The following NOD1 variants were observed in gnomAD, a reference collection of about 807,000 sequenced individuals.
NOD1 encodes nucleotide binding oligomerization domain containing 1.
A neutral mutation model predicts 81.2 loss-of-function variants in NOD1; 70 were observed. The observed-to-expected ratio is 0.86, with a 90% CI of 0.71 to 1.05. The LOEUF is 1.05. NOD1 is among the 50% of genes least tolerant of loss of function. NOD1 has a pLI of 0.00. For missense variants in NOD1, 1,233 were observed against 1,228.0 expected, an observed-to-expected ratio of 1.00 and a Z score of -0.06; for synonymous variants, 508 against 526.9, an observed-to-expected ratio of 0.96 and a Z score of 0.49.
intron 1 of NOD1, among the ~76,000 whole-genome samples, chr7:30,470,266 T>C (rs1054869775): frequency 6.6e-6 from 1 of 152,214 alleles, no homozygotes; most frequent in African/African-American, 2.4e-5. Context: ...ACATACGGTA[T>C]TTAGAACAGC....
chr7:30,453,918 C>T (rs1014589041), intron 5 of NOD1, among the ~76,000 whole-genome samples: 7 of 152,260 alleles, frequency 4.6e-5, no homozygotes, highest in South Asian at 2.1e-4. Context: ...TTGTGTGAGA[C>T]TGCTTGTAGA....
chr7:30,425,587 T>A lies in NOD1; in HGVS notation c.*51A>T, dbSNP rs1408389660. 1 of 1,375,886 alleles carries A rather than the reference T, an allele frequency of 7.3e-7. No homozygotes were observed. Among genetic ancestry groups the A allele is most frequent in the East Asian group, 2.3e-5 (1 of 43,778 alleles). The allele number at this position is 1,375,886 out of a possible 1,614,324, so 85.2% of individuals were successfully genotyped here. On this transcript the variant is annotated 3_prime_UTR_variant, in exon 14 of 14. Transcript: ENST00000222823. ...ACACAAAAGACTGCCCAGAGTGGCA[T>A]TTGCTGCTGAGGCTCCAGGGCAAAA...
chr7:30,463,137 A>G (rs956710071), intron 1 of NOD1, among the ~76,000 whole-genome samples: 2 of 152,096 alleles, frequency 1.3e-5, no homozygotes, highest in South Asian at 2.1e-4. Flanking sequence ...TCTCCCTTGT[A>G]TACAGTCACA....
In NOD1 at chr7:30,452,163, C is replaced by T. The variant is rs756738590; in HGVS notation, c.1254G>A (p.Thr418=). ...GGAGGAAGACATCTGTCAGGGTCAT[C>T]GTGCAGTCGGGCAGCTGTGGTGAGC... ...FEGSPQLPDC[T]MTLTDVFLLV... is the part of the protein sequence containing the mutation. The change falls in exon 6 of 14, where the codon ACG becomes ACA. Residue 418 remains threonine, a synonymous_variant. Coordinates refer to ENST00000222823, the MANE Select transcript of NOD1 (RefSeq NM_006092.4). 50 of 1,613,880 alleles carry T rather than the reference C, an allele frequency of 3.1e-5. No individual in the cohort carries two copies. The South Asian group carries it at 4.8e-4, about 16-fold the overall frequency.
Position 30,452,934 on chromosome 7 carries a change from G to A in NOD1, c.483C>T (p.Asp161=), listed in dbSNP as rs2235099. ...TGAAGCCAACCAGCTCCATGATGGTGTCCATGTAGATCTCCTCCAGCAGCA... is the reference window on the plus strand; with the variant it reads ...TGAAGCCAACCAGCTCCATGATGGTATCCATGTAGATCTCCTCCAGCAGCA... The part of the protein sequence containing the change: ...EELLLEEIYM[D]TIMELVGFSN... Residue 161 remains aspartate, a synonymous_variant, in exon 6 of 14, where the codon GAC becomes GAT. Transcript: ENST00000222823. 419,504 of 1,613,624 alleles carry A rather than the reference G, an allele frequency of 0.26. 57,135 individuals carry two copies. The highest frequency in any genetic ancestry group is 0.41 in the East Asian group (18,237 of 44,840).
Position 30,437,669 on chromosome 7 carries a change from A to G in NOD1, c.2454-13T>C. On this transcript the variant is annotated splice_polypyrimidine_tract_variant and intron_variant, in intron 9 of 13. Transcript: ENST00000222823. Reference sequence around the variant, plus strand: ...ATTGCCCCACATCCTGAGGGAGGAGACAAGATAGTGAATGTTAGCTCCCCA... The same window carrying G: ...ATTGCCCCACATCCTGAGGGAGGAGGCAAGATAGTGAATGTTAGCTCCCCA... The G allele has an allele frequency of 6.6e-7, 1 of 1,504,408 alleles. No individual in the cohort carries two copies. Among genetic ancestry groups the G allele is most frequent in the South Asian group, 1.4e-5 (1 of 73,820 alleles). The allele number at this position is 1,504,408 out of a possible 1,614,324, so 93.2% of individuals were successfully genotyped here.
chr7:30,456,816 T>G lies in NOD1; in HGVS notation c.106A>C (p.Asn36His), dbSNP rs763163985. The G allele has an allele frequency of 1.9e-6, 3 of 1,614,134 alleles. No individual in the cohort carries two copies. The highest frequency in any genetic ancestry group is 2.5e-6 in the Non-Finnish European group (3 of 1,180,008). ...AAGTTGTCCACCAGACACTGAGTAT[T>G]GCGGATGTGAGTGACCAGAAGTTCC... is the stretch of plus-strand genomic sequence containing the variant. ...NRELLVTHIR[N>H]TQCLVDNLLK... Residue 36 changes from asparagine to histidine, a missense_variant, in exon 4 of 14, where the codon AAT becomes CAT. Physicochemically the swap from Asn to His is moderately conservative, Grantham distance 68 (BLOSUM62 1). Coordinates refer to ENST00000222823, the MANE Select transcript of NOD1 (RefSeq NM_006092.4).
intron 10 of NOD1, among the ~76,000 whole-genome samples, chr7:30,437,100 C>T (rs1784441682): frequency 6.6e-6 from 1 of 152,126 alleles, no homozygotes; most frequent in African/African-American, 2.4e-5. Flanking sequence ...TGGAAACCAT[C>T]ATTCTCAGCA....
At position 30,451,879 on chromosome 7, in the gene NOD1, T is replaced by C. The variant is rs761405737; in HGVS notation, c.1538A>G (p.Tyr513Cys). 9.3e-6 allele frequency: 15 copies of C among 1,613,474 alleles called. No individual in the cohort carries two copies. The highest frequency in any genetic ancestry group is 4.4e-5 in the South Asian group (4 of 91,070). Residue 513 changes from tyrosine to cysteine, a missense_variant, in exon 6 of 14, where the codon TAT becomes TGT. Coordinates refer to ENST00000222823, the MANE Select transcript of NOD1 (RefSeq NM_006092.4). This position sits in a 1 kb window ranked among gnomAD's most constrained non-coding sequence, Gnocchi z 4.2. ...CTGGAGGGTGAGGTGGAAAAACTCA[T>C]AGGACTGCTGGTCACCCCCGGGGCC... ...ELGPGGDQQSYEFFHLTLQAF... is the reference protein window; with the variant it reads ...ELGPGGDQQSCEFFHLTLQAF...
intron 12 of NOD1, among the ~76,000 whole-genome samples, chr7:30,431,933 C>A (rs1164387173): frequency 6.6e-6 from 1 of 152,084 alleles, no homozygotes; most frequent in African/African-American, 2.4e-5. Context: ...TGGTGAAACC[C>A]CATCTCTATT....
At position 30,457,023 on chromosome 7, in the gene NOD1, C is replaced by T; in HGVS notation, c.-102G>A. On this transcript the variant is annotated 5_prime_UTR_variant, in exon 4 of 14. Transcript: ENST00000222823. ...GATTCAGGCCGCGCCCTCCAGGGCC[C>T]CTGCTACTCTGCGCAGCCCCTGAAG... 1.1e-6 allele frequency: 1 copy of T among 918,366 alleles called. No homozygotes were observed. Among genetic ancestry groups the T allele is most frequent in the Non-Finnish European group, 1.8e-6 (1 of 567,814 alleles). 56.9% of individuals were successfully genotyped at this position (918,366 alleles called of 1,614,324 possible).
At chr7:30,426,012 C>G (rs1217156427) in intron 13 of NOD1, among the ~76,000 whole-genome samples, 1 of 151,948 alleles carries the variant, frequency 6.6e-6, no homozygotes, top group Non-Finnish European at 1.5e-5. Flanking sequence ...CCTGACCTCT[C>G]CTCTCCCTCC....
At chr7:30,428,703 A>G (rs1783679692) in intron 13 of NOD1, 1 of 151,972 alleles carries the variant, frequency 6.6e-6, no homozygotes, top group South Asian at 2.1e-4. Flanking sequence ...AATTCTCCCC[A>G]GTCATGAAAG....
chr7:30,429,305 C>G (rs1407605798), intron 13 of NOD1, 69 bp downstream of exon 13: 2 of 1,334,890 alleles, frequency 1.5e-6, no homozygotes, highest in Non-Finnish European at 2.2e-6. Flanking sequence ...TGCGTTGTGC[C>G]TTGCACAGTC....
chr7:30,471,691 G>GC (rs2128105589), intron 1 of NOD1, among the ~76,000 whole-genome samples: 1 of 152,326 alleles, frequency 6.6e-6, no homozygotes, highest in African/African-American at 2.4e-5. Context: ...CCTTCCCATA[G>GC]CCAGGGGGCC....
rs563663344 is a variant in NOD1, at chr7:30,458,099, C to T, written c.-122+1053G>A. Among the ~76,000 whole-genome samples the T allele has an allele frequency of 2.6e-5, 4 of 152,204 alleles. No homozygotes were observed. The South Asian group carries it at 8.3e-4, about 32-fold the overall frequency. ...CTGGTACAAGTGCTGAGTTTCTTGT[C>T]TGGGTAGGAACAGGGACCCAGGCTA... On this transcript the variant is annotated intron_variant, in intron 3 of 13. Transcript: ENST00000222823.
intron 13 of NOD1, among the ~76,000 whole-genome samples, chr7:30,427,236 T>C (rs892566997): frequency 6.6e-6 from 1 of 152,236 alleles, no homozygotes; most frequent in Admixed American, 6.5e-5. Flanking sequence ...TGGAGTGGGA[T>C]ACATTTCTGT....
At chr7:30,462,003 G>T (rs1159709666) in intron 1 of NOD1, among the ~76,000 whole-genome samples, 2 of 152,218 alleles carry the variant, frequency 1.3e-5, no homozygotes, top group Non-Finnish European at 2.9e-5. Flanking sequence ...CTCCCAAAGT[G>T]CTGGGATTAC....
intron 10 of NOD1, among the ~76,000 whole-genome samples, chr7:30,436,428 TCTGCAAGAC>T (rs1436272207): frequency 3.3e-5 from 5 of 152,202 alleles, no homozygotes. Flanking sequence ...AGGTACCCCA[TCTGCAAGAC>T]CTGGCAAAGT....
Sources: gnomAD v4.1 joint callset for allele counts (sites outside exome capture counted in the v4.1 genomes callset) on GRCh38, gnomAD v4.1.1 for gene constraint, Gnocchi (gnomAD v3.1) non-coding constraint, MANE v1.5 for transcripts, NCBI Gene and HGNC (gene_info 2026-07-23, HGNC 2026-07-21) for gene names.